Variants in IMMP2L observed in about 807,000 individuals in gnomAD.
IMMP2L encodes mitochondrial inner membrane protease subunit 2.
IMMP2L carries 18 observed loss-of-function variants against 19.3 expected under a neutral mutation model. The observed-to-expected ratio is 0.93, with a 90% confidence interval of 0.64 to 1.38. The LOEUF is 1.38. Ranked by LOEUF, IMMP2L falls within the 40% of genes most tolerant of loss-of-function variation. The pLI is 0.00. For missense variants in IMMP2L, 233 were observed against 218.2 expected, an observed-to-expected ratio of 1.07 and a Z score of -0.43; for synonymous variants, 76 against 73.0, an observed-to-expected ratio of 1.04 and a Z score of -0.21.
intron 5 of IMMP2L, among the ~76,000 whole-genome samples, 199 bp downstream of exon 5, chr7:110,886,394 G>A (rs543262877): frequency 2.0e-5 from 3 of 151,908 alleles, no homozygotes; most frequent in South Asian, 4.2e-4. Flanking sequence ...AGAAACACAC[G>A]TGCACACACA....
intron 3 of IMMP2L, among the ~76,000 whole-genome samples, chr7:111,395,543 T>C (rs1832780741): frequency 6.6e-6 from 1 of 152,226 alleles, no homozygotes; most frequent in Admixed American, 6.5e-5. Context: ...ACAAAATTTC[T>C]AAAAGTGAGA....
At chr7:111,502,263 G>C (rs972477664) in intron 2 of IMMP2L, among the ~76,000 whole-genome samples, 4 of 152,110 alleles carry the variant, frequency 2.6e-5, no homozygotes, top group African/African-American at 9.7e-5. Flanking sequence ...TCAACAAGAA[G>C]AGCTAACTAT....
chr7:111,232,624 A>T (rs1813840505), intron 3 of IMMP2L, among the ~76,000 whole-genome samples: 2 of 152,200 alleles, frequency 1.3e-5, no homozygotes, highest in South Asian at 4.1e-4. Context: ...ATTAACCAAT[A>T]ACAAATACTA....
chr7:110,685,338 T>C (rs1207288083), intron 5 of IMMP2L, among the ~76,000 whole-genome samples: 3 of 152,154 alleles, frequency 2.0e-5, no homozygotes, highest in Non-Finnish European at 4.4e-5. Context: ...GGAATAACAA[T>C]ATCAACTCTG....
chr7:111,085,894 C>T (rs1796279403), intron 3 of IMMP2L, among the ~76,000 whole-genome samples: 1 of 152,054 alleles, frequency 6.6e-6, no homozygotes, highest in African/African-American at 2.4e-5. Flanking sequence ...GAACAGAAAA[C>T]CAAATACCAC....
intron 3 of IMMP2L, among the ~76,000 whole-genome samples, chr7:111,264,833 G>T (rs973109657): frequency 1.3e-5 from 2 of 151,876 alleles, no homozygotes; most frequent in African/African-American, 4.8e-5. Flanking sequence ...TCCCAGAAGT[G>T]AAGTTTTGGT....
intron 3 of IMMP2L, among the ~76,000 whole-genome samples, chr7:111,466,307 A>G (rs1426569073): frequency 6.6e-6 from 1 of 152,170 alleles, no homozygotes; most frequent in Non-Finnish European, 1.5e-5. Context: ...ACTAACCTGC[A>G]CATTGTGCAC....
intron 5 of IMMP2L, among the ~76,000 whole-genome samples, chr7:110,806,822 A>G (rs1584889023): frequency 6.6e-6 from 1 of 152,036 alleles, no homozygotes; most frequent in East Asian, 1.9e-4. Flanking sequence ...GATGAGAAAA[A>G]TCTTAATTAT....
intron 5 of IMMP2L, among the ~76,000 whole-genome samples, chr7:110,871,079 G>A (rs1000417233): frequency 6.6e-6 from 1 of 150,934 alleles, no homozygotes; most frequent in Non-Finnish European, 1.5e-5. Context: ...AGGCAGTTGA[G>A]GGCAATAAAA....
intron 4 of IMMP2L, among the ~76,000 whole-genome samples, chr7:110,957,925 T>C (rs892825452): frequency 3.9e-5 from 6 of 151,974 alleles, no homozygotes; most frequent in African/African-American, 1.4e-4. Flanking sequence ...TTATGTGTTA[T>C]ATATTTGTTT....
intron 4 of IMMP2L, among the ~76,000 whole-genome samples, chr7:110,899,239 C>T (rs1585187509): frequency 6.6e-6 from 1 of 151,976 alleles, no homozygotes. Context: ...TTACAAGAAC[C>T]CACTAGAATG....
intron 5 of IMMP2L, among the ~76,000 whole-genome samples, chr7:110,674,330 G>A (rs1792136013): frequency 6.6e-6 from 1 of 152,104 alleles, no homozygotes; most frequent in African/African-American, 2.4e-5. Context: ...ATGACACATG[G>A]GGATTATGGG....
rs113661353 is a variant in IMMP2L, at chr7:111,432,955, CA to C, written c.239+54282del. The stretch of plus-strand genomic sequence containing the variant: ...GAGGCAATCCCACTTCCAACAGCTA[CA>C]AAAAAAAAGAAAAAAAAAAACACAC... On this transcript the variant is annotated intron_variant, in intron 3 of 5. Coordinates refer to ENST00000405709, the MANE Select transcript of IMMP2L (RefSeq NM_032549.4). 7.5e-3 allele frequency among the ~76,000 whole-genome samples: 951 copies of C among 127,102 alleles called. 24 individuals are homozygous for C. The highest frequency in any genetic ancestry group is 0.025 in the African/African-American group (831 of 33,682). The allele number at this position is 127,102 out of a possible 152,430, so 83.4% of individuals were successfully genotyped here.
chr7:111,170,986 A>G (rs1422870874), intron 3 of IMMP2L, among the ~76,000 whole-genome samples: 1 of 151,846 alleles, frequency 6.6e-6, no homozygotes, highest in Non-Finnish European at 1.5e-5. Context: ...GTGTCTTATA[A>G]TCAGGTTATA....
intron 2 of IMMP2L, among the ~76,000 whole-genome samples, chr7:111,509,791 A>T (rs1330785753): frequency 6.6e-6 from 1 of 152,134 alleles, no homozygotes; most frequent in African/African-American, 2.4e-5. Context: ...AGAATAGTTC[A>T]CCAGAAACAC....
At chr7:110,963,940 T>G (rs1209813751) in intron 3 of IMMP2L, among the ~76,000 whole-genome samples, 1 of 149,480 alleles carries the variant, frequency 6.7e-6, no homozygotes, top group Non-Finnish European at 1.5e-5. Context: ...AATCCCCATG[T>G]GTAGAGGGAG....
At chr7:110,769,677 C>T (rs1798910432) in intron 5 of IMMP2L, among the ~76,000 whole-genome samples, 1 of 151,846 alleles carries the variant, frequency 6.6e-6, no homozygotes, top group Non-Finnish European at 1.5e-5. Flanking sequence ...CTGATCACCA[C>T]TTAACATGGA....
chr7:110,872,842 T>C (rs907150441), intron 5 of IMMP2L, among the ~76,000 whole-genome samples: 4 of 152,212 alleles, frequency 2.6e-5, no homozygotes, highest in Non-Finnish European at 4.4e-5. Context: ...TATGCAGCAC[T>C]GGAAAACTGC....
At chr7:110,748,643 T>G (rs1797520172) in intron 5 of IMMP2L, among the ~76,000 whole-genome samples, 1 of 152,078 alleles carries the variant, frequency 6.6e-6, no homozygotes, top group African/African-American at 2.4e-5. Context: ...AAACAAGCAA[T>G]GAGGAAAGGA....
Sources: gnomAD v4.1 joint callset for allele counts (sites outside exome capture counted in the v4.1 genomes callset) on GRCh38, gnomAD v4.1.1 for gene constraint, MANE v1.5 for transcripts, NCBI Gene and HGNC (gene_info 2026-07-23, HGNC 2026-07-21) for gene names.